The following VPS8 variants were observed in gnomAD, a reference collection of about 807,000 sequenced individuals.
The protein encoded by VPS8 is vacuolar protein sorting-associated protein 8 homolog.
In VPS8, 129 loss-of-function variants were observed where a neutral mutation model predicts 216.4. The ratio of observed to expected loss-of-function variants is 0.60; its 90% CI spans 0.52 to 0.69. The LOEUF is 0.69. Ranked by LOEUF, VPS8 falls within the 30% of genes least tolerant of loss-of-function variation. The pLI is 0.00. For missense variants in VPS8, 1,531 were observed against 1,683.5 expected, an observed-to-expected ratio of 0.91 and a Z score of 1.59; for synonymous variants, 571 against 565.4, an observed-to-expected ratio of 1.01 and a Z score of -0.14.
chr3:184,915,574 C>T (rs1003027079), intron 28 of VPS8, 100 bp downstream of exon 28: 23 of 1,299,904 alleles, frequency 1.8e-5, no homozygotes, highest in African/African-American at 1.3e-4. Flanking sequence ...ACACTTTGGC[C>T]GAGGCAGGCA....
At chr3:184,934,151 CTTTG>C (rs1741190978) in intron 34 of VPS8, among the ~76,000 whole-genome samples, 2 of 151,654 alleles carry the variant, frequency 1.3e-5, no homozygotes, top group Admixed American at 6.6e-5. Context: ...AATTTCCATC[CTTTG>C]TTTTTGTTTT....
chr3:184,856,151 C>G (rs779758423), intron 14 of VPS8, among the ~76,000 whole-genome samples: 1 of 152,134 alleles, frequency 6.6e-6, no homozygotes, highest in Non-Finnish European at 1.5e-5. Context: ...CATTGAGCAC[C>G]TATTATGTCC....
At chr3:185,032,704 C>T (rs947923371) in intron 46 of VPS8, among the ~76,000 whole-genome samples, 8 of 151,828 alleles carry the variant, frequency 5.3e-5, no homozygotes, top group South Asian at 2.1e-4. Flanking sequence ...CTCGCTCTGT[C>T]GCCCAGGCTG....
intron 40 of VPS8, among the ~76,000 whole-genome samples, chr3:184,979,771 T>G (rs1749883224): frequency 6.6e-6 from 1 of 152,200 alleles, no homozygotes; most frequent in Admixed American, 6.5e-5. Context: ...ACTCTGTGCC[T>G]TTTAAGGGCA....
chr3:184,981,287 T>TTG (rs1401483090), intron 40 of VPS8, among the ~76,000 whole-genome samples: 1 of 151,992 alleles, frequency 6.6e-6, no homozygotes, highest in African/African-American at 2.4e-5. Context: ...GAGTCCATCC[T>TTG]TGTGTGTGTG....
chr3:184,965,855 A>AG (rs1324315375), intron 38 of VPS8, among the ~76,000 whole-genome samples: 3 of 152,114 alleles, frequency 2.0e-5, no homozygotes, highest in Non-Finnish European at 4.4e-5. Flanking sequence ...TGGAGAGAAG[A>AG]GGGATAGATT....
At position 184,926,783 on chromosome 3, in the gene VPS8, A is replaced by C. The variant is rs1021779470; in HGVS notation, c.2631+133A>C. ...CAAACCCTAATACGAAGTTAGAGTCAGTGGGAACCAGAAAATAGAGTGGAT... is the reference window on the plus strand; with the variant it reads ...CAAACCCTAATACGAAGTTAGAGTCCGTGGGAACCAGAAAATAGAGTGGAT... On this transcript the variant is annotated intron_variant, in intron 31 of 47. Coordinates refer to ENST00000625842, the MANE Select transcript of VPS8 (RefSeq NM_001009921.3). 6 of 814,002 alleles carry C rather than the reference A, an allele frequency of 7.4e-6. No homozygotes were observed. In the African/African-American group the frequency reaches 8.7e-5, roughly 12 times the overall value. The allele number at this position is 814,002 out of a possible 1,614,324, so 50.4% of individuals were successfully genotyped here.
At chr3:184,850,657 G>A (rs1724077786) in intron 10 of VPS8, among the ~76,000 whole-genome samples, 1 of 152,122 alleles carries the variant, frequency 6.6e-6, no homozygotes, top group African/African-American at 2.4e-5. Flanking sequence ...ATTCTTCCAC[G>A]CTGTCAAGCC....
At chr3:184,928,606 G>A in intron 32 of VPS8, 73 bp downstream of exon 32, 3 of 1,115,080 alleles carry the variant, frequency 2.7e-6, no homozygotes, top group Non-Finnish European at 3.6e-6. Flanking sequence ...TTAAAGCTCA[G>A]TTTATTGATA....
At chr3:184,822,970 C>A (rs995965147) in intron 1 of VPS8, among the ~76,000 whole-genome samples, 1 of 152,132 alleles carries the variant, frequency 6.6e-6, no homozygotes, top group Admixed American at 6.5e-5. Context: ...AGAAATTAGT[C>A]TGTATTTGGT....
At chr3:184,971,899 A>G (rs1178349666) in intron 40 of VPS8, 147 bp downstream of exon 40, 2 of 611,554 alleles carry the variant, frequency 3.3e-6, no homozygotes, top group Non-Finnish European at 5.7e-6. Context: ...ACATGGAGAA[A>G]TCCCATCTTT....
chr3:184,840,801 C>G (rs1722005527), intron 7 of VPS8, among the ~76,000 whole-genome samples: 1 of 151,996 alleles, frequency 6.6e-6, no homozygotes, highest in Admixed American at 6.6e-5. Context: ...TAAGTCATTT[C>G]ATCTCCCTTA....
chr3:184,934,519 T>A (rs563058426), intron 34 of VPS8, among the ~76,000 whole-genome samples: 1 of 152,338 alleles, frequency 6.6e-6, no homozygotes, highest in South Asian at 2.1e-4. Context: ...TTAATGCTGT[T>A]GTTAATGGCA....
intron 44 of VPS8, among the ~76,000 whole-genome samples, chr3:184,999,312 G>A (rs1753078947): frequency 6.6e-6 from 1 of 152,176 alleles, no homozygotes. Context: ...GCCCACCTCG[G>A]CCTCCCAAAG....
intron 8 of VPS8, among the ~76,000 whole-genome samples, chr3:184,848,123 G>A (rs757094715): frequency 1.3e-5 from 2 of 151,994 alleles, no homozygotes; most frequent in Non-Finnish European, 2.9e-5. Flanking sequence ...TGTTGGCCAG[G>A]CTGGTCTCGA....
chr3:185,009,708 A>G (rs1227370844), intron 45 of VPS8, among the ~76,000 whole-genome samples: 1 of 152,164 alleles, frequency 6.6e-6, no homozygotes, highest in Non-Finnish European at 1.5e-5. Flanking sequence ...ATAAGAAACA[A>G]ATGACATAAA....
intron 25 of VPS8, among the ~76,000 whole-genome samples, chr3:184,903,614 T>C (rs1166289170): frequency 6.7e-6 from 1 of 148,860 alleles, no homozygotes; most frequent in Non-Finnish European, 1.5e-5. Flanking sequence ...CCCTGCTGAA[T>C]TAAAAAAAAA....
At chr3:184,827,554 A>G (rs1719055142) in intron 3 of VPS8, among the ~76,000 whole-genome samples, 1 of 152,230 alleles carries the variant, frequency 6.6e-6, no homozygotes, top group Admixed American at 6.5e-5. Context: ...CCTCATTTCA[A>G]TTATTAAGTG....
chr3:184,995,824 C>G (rs1577095102), intron 43 of VPS8, among the ~76,000 whole-genome samples: 1 of 152,268 alleles, frequency 6.6e-6, no homozygotes, highest in Non-Finnish European at 1.5e-5. Flanking sequence ...AATGTGATCT[C>G]TCTGCCCAAG....
Sources: allele counts gnomAD v4.1 joint callset (sites outside exome capture counted in the v4.1 genomes callset), GRCh38; gene constraint gnomAD v4.1.1; transcripts MANE v1.5; gene names NCBI Gene and HGNC (gene_info 2026-07-23, HGNC 2026-07-21).